OXR1: variants seen among roughly 807,000 people sequenced by gnomAD.
The protein encoded by OXR1 is oxidation resistance protein 1.
Under a neutral mutation model 104.6 loss-of-function variants are expected in OXR1, and 41 were observed. That is an observed-to-expected ratio of 0.39 (90% confidence interval 0.31 to 0.51). The LOEUF is 0.51. Ranked by LOEUF, OXR1 falls within the 20% of genes least tolerant of loss-of-function variation. The pLI, the probability that OXR1 is intolerant of heterozygous loss-of-function variation, is 0.77. For missense variants in OXR1, 955 were observed against 1,031.9 expected (o/e 0.93, Z 1.02); for synonymous variants, 348 against 348.4 (o/e 1.00, Z 0.01).
intron 13 of OXR1, 136 bp from the exon 14 acceptor site, chr8:106,740,207 G>A: frequency 1.7e-6 from 1 of 580,008 alleles, no homozygotes; most frequent in Non-Finnish European, 3.0e-6. Flanking sequence ...TAGTATCTTT[G>A]AGAATAATAA....
chr8:106,444,562 T>C (rs1819933671), intron 2 of OXR1, among the ~76,000 whole-genome samples: 1 of 152,058 alleles, frequency 6.6e-6, no homozygotes, highest in Admixed American at 6.6e-5. Flanking sequence ...CTGGAAGCCA[T>C]CATCCTCAGC....
intron 1 of OXR1, among the ~76,000 whole-genome samples, chr8:106,276,528 T>A (rs903108999): frequency 6.6e-6 from 1 of 152,174 alleles, no homozygotes; most frequent in East Asian, 1.9e-4. Context: ...TATTTCTTCA[T>A]CTTTAAAATG....
intron 3 of OXR1, among the ~76,000 whole-genome samples, chr8:106,566,049 A>T (rs1817047723): frequency 1.3e-5 from 2 of 152,244 alleles, no homozygotes; most frequent in South Asian, 4.1e-4. Flanking sequence ...AATATCATTC[A>T]GGACATAGGC....
chr8:106,346,086 G>C (rs1446301550), intron 1 of OXR1, among the ~76,000 whole-genome samples: 1 of 144,708 alleles, frequency 6.9e-6, no homozygotes, highest in East Asian at 2.1e-4. Context: ...TGGGGTTGCA[G>C]CAGTTTATTC....
At chr8:106,354,027 A>G (rs373244006) in intron 1 of OXR1, among the ~76,000 whole-genome samples, 7 of 151,978 alleles carry the variant, frequency 4.6e-5, no homozygotes, top group African/African-American at 1.7e-4. Flanking sequence ...TTAGCGTACT[A>G]TCTTTCAGGT....
chr8:106,570,111 CTT>C (rs1817369572), intron 3 of OXR1, among the ~76,000 whole-genome samples: 1 of 152,194 alleles, frequency 6.6e-6, no homozygotes, highest in Non-Finnish European at 1.5e-5. Flanking sequence ...ATCATCCACT[CTT>C]AATGTGAACA....
At chr8:106,595,550 C>CAAAAAAAAAAAAAAAAA (rs67790797) in intron 3 of OXR1, among the ~76,000 whole-genome samples, 10 of 60,638 alleles carry the variant, frequency 1.6e-4, no homozygotes, top group African/African-American at 2.7e-4. Flanking sequence ...AACTCCGTCT[C>CAAAAAAAAAAAAAAAAA]AAAAAAAAAA....
intron 3 of OXR1, among the ~76,000 whole-genome samples, chr8:106,591,680 C>A (rs1819105282): frequency 6.6e-6 from 1 of 152,168 alleles, no homozygotes. Flanking sequence ...GCTACCACCA[C>A]CACTACCCAC....
intron 2 of OXR1, among the ~76,000 whole-genome samples, chr8:106,413,263 G>GT (rs1818535645): frequency 6.6e-6 from 1 of 151,994 alleles, no homozygotes; most frequent in African/African-American, 2.4e-5. Context: ...GTCATTTGCT[G>GT]TAAGTCCTAA....
At chr8:106,602,823 C>A (rs901637385) in intron 3 of OXR1, among the ~76,000 whole-genome samples, 1 of 151,620 alleles carries the variant, frequency 6.6e-6, no homozygotes, top group African/African-American at 2.4e-5. Flanking sequence ...AATATTCTAC[C>A]CTGTGCAGTC....
At chr8:106,552,991 A>C (rs1030947746) in intron 3 of OXR1, among the ~76,000 whole-genome samples, 1 of 152,064 alleles carries the variant, frequency 6.6e-6, no homozygotes, top group Non-Finnish European at 1.5e-5. Flanking sequence ...TATTCCCCTC[A>C]CACTGATCAG....
chr8:106,632,250 T>C (rs559298294), intron 3 of OXR1, among the ~76,000 whole-genome samples: 57 of 152,302 alleles, frequency 3.7e-4, no homozygotes, highest in Non-Finnish European at 6.9e-4. Flanking sequence ...TTCAAGTACA[T>C]ACCTAGTTTT....
In OXR1 at chr8:106,552,608, T is replaced by G. The variant is rs538311409; in HGVS notation, c.220+33469T>G. On this transcript the variant is annotated intron_variant, in intron 3 of 16. Coordinates refer to ENST00000517566, the MANE Select transcript of OXR1 (RefSeq NM_001198533.2). The stretch of plus-strand genomic sequence containing the variant: ...TTTAGCTCTTAATTGGCCATATATA[T>G]TGATGGAAAGCCACAAAGCAAAAGT... Among the ~76,000 whole-genome samples, 16 of 152,286 alleles carry G rather than the reference T, an allele frequency of 1.1e-4. No homozygotes were observed. In the South Asian group the frequency reaches 3.3e-3, roughly 32 times the overall value.
intron 2 of OXR1, chr8:106,448,068 C>T: frequency 1.3e-6 from 2 of 1,535,678 alleles, no homozygotes; most frequent in South Asian, 1.2e-5. Flanking sequence ...ATCTATCAGC[C>T]TCCATCTGTT....
chr8:106,522,504 G>T (rs190284989), intron 3 of OXR1, among the ~76,000 whole-genome samples: 25 of 152,312 alleles, frequency 1.6e-4, no homozygotes, highest in Non-Finnish European at 2.8e-4. Context: ...AGAGCCTACA[G>T]ATATGGAGGG....
intron 1 of OXR1, among the ~76,000 whole-genome samples, chr8:106,284,714 G>T (rs542435830): frequency 6.6e-6 from 1 of 151,956 alleles, no homozygotes; most frequent in Non-Finnish European, 1.5e-5. Context: ...CTGAGGGGAG[G>T]GAATTCTAAA....
At chr8:106,347,104 G>A (rs1283235824) in intron 1 of OXR1, among the ~76,000 whole-genome samples, 1 of 152,220 alleles carries the variant, frequency 6.6e-6, no homozygotes, top group Non-Finnish European at 1.5e-5. Context: ...GCATGTCCGT[G>A]TCTGTGGAGT....
At chr8:106,571,883 A>G (rs1817498163) in intron 3 of OXR1, among the ~76,000 whole-genome samples, 1 of 152,208 alleles carries the variant, frequency 6.6e-6, no homozygotes, top group Non-Finnish European at 1.5e-5. Flanking sequence ...AAGCAAGTCC[A>G]AAATGTAGCA....
chr8:106,418,982 C>A (rs1018887286), intron 2 of OXR1, among the ~76,000 whole-genome samples: 1 of 151,954 alleles, frequency 6.6e-6, no homozygotes. Flanking sequence ...TGCTCATAAC[C>A]AACGCTCATA....
Sources: gnomAD v4.1 joint callset for allele counts (sites outside exome capture counted in the v4.1 genomes callset) on GRCh38, gnomAD v4.1.1 for gene constraint, MANE v1.5 for transcripts, NCBI Gene and HGNC (gene_info 2026-07-23, HGNC 2026-07-21) for gene names.